UBXN4: variants seen among roughly 807,000 people sequenced by gnomAD.
The protein encoded by UBXN4 is UBX domain-containing protein 4.
Under a neutral mutation model 66.2 loss-of-function variants are expected in UBXN4, and 35 were observed. The observed-to-expected ratio is 0.53, with a 90% CI of 0.40 to 0.70. The LOEUF (loss-of-function observed/expected upper bound fraction) is 0.70. UBXN4 is among the 30% of genes least tolerant of loss of function. The pLI, the probability that UBXN4 is intolerant of heterozygous loss-of-function variation, is 0.00. For synonymous variants in UBXN4, 203 were observed against 204.5 expected (o/e 0.99, Z 0.06); for missense variants, 533 against 599.8 (o/e 0.89, Z 1.16).
intron 6 of UBXN4, among the ~76,000 whole-genome samples, chr2:135,769,406 T>TG (rs2077369004): frequency 6.6e-6 from 1 of 152,074 alleles, no homozygotes; most frequent in Non-Finnish European, 1.5e-5. Context: ...GGTTTTTTTT[T>TG]TTTTTACCAT....
intron 5 of UBXN4, 63 bp from the exon 6 acceptor site, chr2:135,761,754 AT>A: frequency 3.0e-6 from 4 of 1,348,216 alleles, no homozygotes; most frequent in Middle Eastern, 2.6e-4. Flanking sequence ...AATCTGAAAG[AT>A]TTATTCCTTT....
rs1235810339 is a variant in UBXN4, at chr2:135,784,746, C to A, written c.*1859C>A. The A allele has an allele frequency of 6.6e-6, 1 of 152,548 alleles. No individual in the cohort carries two copies. The highest frequency in any genetic ancestry group is 1.9e-4 in the East Asian group (1 of 5,192). 9.4% of individuals were successfully genotyped at this position (152,548 alleles called of 1,614,324 possible). On this transcript the variant is annotated 3_prime_UTR_variant, in exon 13 of 13. Coordinates refer to ENST00000272638, the MANE Select transcript of UBXN4 (RefSeq NM_014607.4). ...GAAATACATTTAAAAACATCGAGTA[C>A]CTCAAGTCAGTTTGCCTTGAAAAAT...
Position 135,780,198 on chromosome 2 carries a change from G to C in UBXN4, c.1201G>C (p.Ala401Pro), listed in dbSNP as rs1341282191. The C allele has an allele frequency of 6.2e-7, 1 of 1,614,036 alleles. No individual in the cohort carries two copies. Among genetic ancestry groups the C allele is most frequent in the Admixed American group, 1.7e-5 (1 of 60,008 alleles). Residue 401 changes from alanine (A) to proline (P), a missense_variant, in exon 12 of 13, where the codon GCA becomes CCA. Transcript: ENST00000272638. ...VVLLPAGRPT[A>P]SIVHSSSGDI... ...TAATTTCTAGGCAGGAAGACCAACT[G>C]CATCCATTGTACACTCTTCCAGCGG...
intron 11 of UBXN4, 87 bp from the exon 12 acceptor site, chr2:135,780,096 T>C: frequency 1.5e-6 from 2 of 1,341,916 alleles, no homozygotes; most frequent in South Asian, 2.6e-5. Flanking sequence ...GGACCTCCTT[T>C]TCCAGATAAA....
At chr2:135,744,668 C>T (rs927830415) in intron 1 of UBXN4, among the ~76,000 whole-genome samples, 7 of 152,124 alleles carry the variant, frequency 4.6e-5, no homozygotes, top group African/African-American at 1.4e-4. Flanking sequence ...GGGTCTGCAA[C>T]TCTTTGCTTC....
chr2:135,765,237 T>A (rs1174471253), intron 6 of UBXN4, among the ~76,000 whole-genome samples: 1 of 151,932 alleles, frequency 6.6e-6, no homozygotes, highest in Non-Finnish European at 1.5e-5. Flanking sequence ...GAGATGGAGT[T>A]TTGCTCTTGT....
intron 1 of UBXN4, among the ~76,000 whole-genome samples, chr2:135,746,642 T>C (rs576267368): frequency 4.6e-5 from 7 of 152,296 alleles, no homozygotes; most frequent in African/African-American, 1.7e-4. Context: ...CATGTAGTTA[T>C]CTGGGGGAAG....
chr2:135,752,927 G>A (rs1418918734), intron 2 of UBXN4, among the ~76,000 whole-genome samples: 1 of 151,466 alleles, frequency 6.6e-6, no homozygotes, highest in African/African-American at 2.4e-5. Flanking sequence ...CACCATGTTG[G>A]CCAGGCTGGT....
chr2:135,767,285 C>T (rs1054952271), intron 6 of UBXN4, among the ~76,000 whole-genome samples: 13 of 152,004 alleles, frequency 8.6e-5, no homozygotes, highest in East Asian at 3.9e-4. Flanking sequence ...CACTTGAACC[C>T]GGGAGGCAGA....
chr2:135,762,529 T>A (rs925878846), intron 6 of UBXN4, among the ~76,000 whole-genome samples: 3 of 152,190 alleles, frequency 2.0e-5, no homozygotes, highest in Admixed American at 1.3e-4. Flanking sequence ...AAAAATTTTT[T>A]TAAAAAAACC....
Position 135,755,578 on chromosome 2 carries a change from C to G in UBXN4, c.395C>G (p.Ser132Cys). Residue 132 changes from serine to cysteine, a missense_variant, in exon 5 of 13, where the codon TCT (serine) becomes TGT (cysteine). Ser to Cys is a moderately radical substitution (Grantham distance 112). Transcript: ENST00000272638. The part of the protein sequence containing the change: ...ANGSQSESSV[S>C]TPSASFEPNN... ...GGCAGTCAGTCAGAAAGTTCAGTGTCTACTCCATCTGCGTCATTTGAACCT... is the reference window on the plus strand; with the variant it reads ...GGCAGTCAGTCAGAAAGTTCAGTGTGTACTCCATCTGCGTCATTTGAACCT... The G allele has an allele frequency of 6.2e-7, 1 of 1,609,210 alleles. No homozygotes were observed. The highest frequency in any genetic ancestry group is 8.5e-7 in the Non-Finnish European group (1 of 1,177,568).
Position 135,782,915 on chromosome 2 carries a change from CATT to C in UBXN4, c.*29_*31del, listed in dbSNP as rs1303175710. The stretch of plus-strand genomic sequence containing the variant: ...TGACAAGTATAATATGTGCAATAAT[CATT>C]GTTTCTCTTATGATTTAATTCAACT... On this transcript the variant is annotated 3_prime_UTR_variant, in exon 13 of 13. Coordinates refer to ENST00000272638, the MANE Select transcript of UBXN4 (RefSeq NM_014607.4). 1.9e-6 allele frequency: 3 copies of C among 1,578,502 alleles called. No homozygotes were observed. Among genetic ancestry groups the C allele is most frequent in the South Asian group, 2.3e-5 (2 of 86,134 alleles).
At position 135,742,121 on chromosome 2, in the gene UBXN4, C is replaced by A. The variant is rs556471035; in HGVS notation, c.82+110C>A. ...CCCTCCCCGAGACGCGGGCTCCTGTCGGCTCGCACAATTGCCACTACTACC... is the reference window on the plus strand; with the variant it reads ...CCCTCCCCGAGACGCGGGCTCCTGTAGGCTCGCACAATTGCCACTACTACC... On this transcript the variant is annotated intron_variant, in intron 1 of 12. Transcript: ENST00000272638. The A allele has an allele frequency of 1.6e-3, 2,128 of 1,323,246 alleles. 7 individuals carry two copies. The highest frequency in any genetic ancestry group is 5.3e-3 in the Middle Eastern group (23 of 4,336). The allele number at this position is 1,323,246 out of a possible 1,614,324, so 82.0% of individuals were successfully genotyped here.
At chr2:135,742,041 C>T (rs983798591) in intron 1 of UBXN4, 30 bp downstream of exon 1, 14 of 1,607,740 alleles carry the variant, frequency 8.7e-6, no homozygotes, top group African/African-American at 4.0e-5. Flanking sequence ...GAGAGGCGGC[C>T]GGGACACCCC....
chr2:135,766,410 G>A (rs918882534), intron 6 of UBXN4, among the ~76,000 whole-genome samples: 8 of 152,200 alleles, frequency 5.3e-5, no homozygotes, highest in East Asian at 1.9e-4. Flanking sequence ...TAATTTGTCC[G>A]TATTCAGATT....
rs1324722346 is a variant in UBXN4, at chr2:135,780,369, A to G, written c.1372A>G (p.Ser458Gly). The change falls in exon 12 of 13, where the codon AGC (serine) becomes GGC (glycine). Residue 458 changes from serine to glycine, a missense_variant. Physicochemically the swap from Ser to Gly is moderately conservative, Grantham distance 56. Coordinates refer to ENST00000272638, the MANE Select transcript of UBXN4 (RefSeq NM_014607.4). ...AGAACCCCCAAACCCTGCATCATCT[A>G]GCAAATCAGAAAAAAGGTATCTGTG... ...SSEPPNPASS[S>G]KSEKREPVRK... is the part of the protein sequence containing the mutation. 2 of 1,614,080 alleles carry G rather than the reference A, an allele frequency of 1.2e-6. No homozygotes were observed. The highest frequency in any genetic ancestry group is 1.7e-6 in the Non-Finnish European group (2 of 1,179,920).
Position 135,755,509 on chromosome 2 carries a change from C to T in UBXN4, c.334-8C>T. The T allele has an allele frequency of 6.4e-7, 1 of 1,552,032 alleles. No individual in the cohort carries two copies. Among genetic ancestry groups the T allele is most frequent in the Non-Finnish European group, 8.7e-7 (1 of 1,147,184 alleles). Reference sequence around the variant, plus strand: ...TATTAATTAAAATCCAATTTATTTTCTGCCTAGATGCATTTGCTAAAAAGT... The same window carrying T: ...TATTAATTAAAATCCAATTTATTTTTTGCCTAGATGCATTTGCTAAAAAGT... On this transcript the variant is annotated splice_polypyrimidine_tract_variant and splice_region_variant and intron_variant, in intron 4 of 12. Coordinates refer to ENST00000272638, the MANE Select transcript of UBXN4 (RefSeq NM_014607.4).
intron 8 of UBXN4, among the ~76,000 whole-genome samples, chr2:135,771,303 G>A (rs943763360): frequency 3.9e-5 from 6 of 152,062 alleles, no homozygotes; most frequent in Admixed American, 1.3e-4. Flanking sequence ...ATGGTGAAAC[G>A]CCATCTCTAC....
chr2:135,774,726 T>C (rs2077402635), intron 9 of UBXN4, among the ~76,000 whole-genome samples: 1 of 151,886 alleles, frequency 6.6e-6, no homozygotes, highest in Admixed American at 6.6e-5. Context: ...ACACCAGTAA[T>C]CCCAGCTACT....
Sources: allele counts gnomAD v4.1 joint callset (sites outside exome capture counted in the v4.1 genomes callset), GRCh38; gene constraint gnomAD v4.1.1; transcripts MANE v1.5; gene names NCBI Gene and HGNC (gene_info 2026-07-23, HGNC 2026-07-21).